The following PI4KB variants were observed in gnomAD, a reference collection of about 807,000 sequenced individuals.
PI4KB encodes the protein PtdIns 4-kinase beta.
Under a neutral mutation model 81.4 loss-of-function variants are expected in PI4KB, and 23 were observed. The ratio of observed to expected loss-of-function variants is 0.28; its 90% CI spans 0.20 to 0.40. The LOEUF is 0.40. Ranked by LOEUF, PI4KB falls within the 10% of genes least tolerant of loss-of-function variation. The pLI is 1.00. For missense variants in PI4KB, 651 were observed against 1,036.6 expected, an observed-to-expected ratio of 0.63 and a Z score of 5.11; for synonymous variants, 381 against 406.8, an observed-to-expected ratio of 0.94 and a Z score of 0.76.
rs115153888 is a variant in PI4KB, at chr1:151,324,617, T to C, written c.-29+2654A>G. 6.8e-3 allele frequency: 1,679 copies of C among 247,392 alleles called. 5 individuals carry two copies. The highest frequency in any genetic ancestry group is 0.015 in the Admixed American group (237 of 15,402). The allele number at this position is 247,392 out of a possible 1,614,324, so 15.3% of individuals were successfully genotyped here. A position where few individuals can be genotyped will look rare whatever the true frequency, so the allele number is the denominator to read the frequency against. On this transcript the variant is annotated intron_variant, in intron 1 of 11. Coordinates refer to ENST00000368873, the MANE Select transcript of PI4KB (RefSeq NM_001369623.2). ...TGGTCTCATGGTAGTTAAGTCAATA[T>C]TGATTCAGGCTGAGAACTCTGTGCA...
At chr1:151,293,984 GGCAC>G in intron 11 of PI4KB, 30 bp downstream of exon 11, 1 of 1,612,874 alleles carries the variant, frequency 6.2e-7, no homozygotes, top group Admixed American at 1.7e-5. Context: ...GGAAGCCTGA[GGCAC>G]TATAGCACCT....
intron 1 of PI4KB, among the ~76,000 whole-genome samples, chr1:151,317,215 T>C (rs1417639534): frequency 1.4e-5 from 2 of 143,818 alleles, no homozygotes; most frequent in East Asian, 4.1e-4. Context: ...TCTGGGCTCA[T>C]TGCAACCTTG....
chr1:151,298,511 G>A (rs1694988647), intron 9 of PI4KB: 1 of 416,730 alleles, frequency 2.4e-6, no homozygotes, highest in African/African-American at 2.0e-5. Context: ...CTTCTAGCTG[G>A]GATGTACCTC....
In PI4KB at chr1:151,315,273, G is replaced by T. The variant is rs587645764; in HGVS notation, c.909+300C>A. Among the ~76,000 whole-genome samples, 8 of 152,274 alleles carry T rather than the reference G, an allele frequency of 5.3e-5. No individual in the cohort carries two copies. The East Asian group carries it at 1.5e-3, about 29-fold the overall frequency. On this transcript the variant is annotated intron_variant, in intron 2 of 11. Coordinates refer to ENST00000368873, the MANE Select transcript of PI4KB (RefSeq NM_001369623.2). ...ATTACAAGCGTGAGCCACCGCGCCT[G>T]GCCAGTGCAGTTTAATAAAAATGAT...
intron 3 of PI4KB, 123 bp from the exon 4 acceptor site, chr1:151,307,924 C>A (rs1536617): frequency 1.5e-6 from 1 of 682,566 alleles, no homozygotes; most frequent in East Asian, 2.7e-5. Flanking sequence ...TCCAGGAAAG[C>A]AGCTGCTTTT....
At chr1:151,304,765 T>G (rs1168332927) in intron 5 of PI4KB, among the ~76,000 whole-genome samples, 5 of 151,166 alleles carry the variant, frequency 3.3e-5, no homozygotes, top group Admixed American at 6.6e-5. Context: ...AAGTGATTCT[T>G]GTGCTTCAAG....
Position 151,306,209 on chromosome 1 carries a change from A to G in PI4KB, c.1337T>C (p.Phe446Ser), listed in dbSNP as rs771222979. ...GTTGTCATAGTTGGGCACAGTGCTG[A>G]AGCTGCCAGCTCGCTGCTCATGGGT... ...GITHEQRAGSFSTVPNYDNDD... is the reference protein window; with the variant it reads ...GITHEQRAGSSSTVPNYDNDD... Residue 446 changes from phenylalanine to serine, a missense_variant, in exon 5 of 12, where the codon TTC (phenylalanine) becomes TCC (serine). This residue lies in a region of PI4KB where 246 missense variants were observed against 430.1 expected (regional missense o/e 0.57). Transcript: ENST00000368873. 1 of 1,614,154 alleles carries G rather than the reference A, an allele frequency of 6.2e-7. No homozygotes were observed. Among genetic ancestry groups the G allele is most frequent in the Non-Finnish European group, 8.5e-7 (1 of 1,180,038 alleles).
chr1:151,307,532 G>A (rs1486727986), intron 4 of PI4KB, 42 bp downstream of exon 4: 12 of 1,340,560 alleles, frequency 9.0e-6, no homozygotes, highest in African/African-American at 2.9e-5. Flanking sequence ...CATGGGTGAA[G>A]AGTCACGTCC....
intron 3 of PI4KB, among the ~76,000 whole-genome samples, chr1:151,308,544 G>A (rs1695974188): frequency 6.6e-6 from 1 of 152,172 alleles, no homozygotes. Context: ...GTCTCTTTTA[G>A]TGACTCCTCT....
At chr1:151,299,503 T>C (rs587682253) in intron 8 of PI4KB, among the ~76,000 whole-genome samples, 1 of 152,070 alleles carries the variant, frequency 6.6e-6, no homozygotes, top group East Asian at 1.9e-4. Flanking sequence ...CCAACCTCAG[T>C]AGAGAGTGAA....
At position 151,307,624 on chromosome 1, in the gene PI4KB, C is replaced by T. The variant is rs764847655; in HGVS notation, c.1132G>A (p.Val378Met). ...GCCTGTGTGTGGGGTACACGGACCACGTGGTGGTCAAAGCCAGCAGTGGGC... is the reference window on the plus strand; with the variant it reads ...GCCTGTGTGTGGGGTACACGGACCATGTGGTGGTCAAAGCCAGCAGTGGGC... ...WLPTAGFDHHVVRVPHTQAVV... is the reference protein window; with the variant it reads ...WLPTAGFDHHMVRVPHTQAVV... Residue 378 changes from valine to methionine, a missense_variant, in exon 4 of 12, where the codon GTG becomes ATG. By Grantham distance (21) the Val-to-Met change is conservative (BLOSUM62 1). This residue lies in a region of PI4KB where 246 missense variants were observed against 430.1 expected (regional missense o/e 0.57). Transcript: ENST00000368873. The T allele has an allele frequency of 5.0e-6, 8 of 1,614,094 alleles. No homozygotes were observed. Among genetic ancestry groups the T allele is most frequent in the Middle Eastern group, 1.6e-4 (1 of 6,062 alleles).
chr1:151,303,002 T>G (rs1363945683), intron 6 of PI4KB, among the ~76,000 whole-genome samples: 10 of 144,730 alleles, frequency 6.9e-5, no homozygotes, highest in African/African-American at 2.0e-4. Flanking sequence ...CTTGTTTTTT[T>G]TTTTTTTTTT....
rs757404521 is a variant in PI4KB, at chr1:151,306,298, G to C, written c.1248C>G (p.Ala416=). The change falls in exon 5 of 12, where the codon GCC becomes GCG. Residue 416 remains alanine, a synonymous_variant. Transcript: ENST00000368873. Reference sequence around the variant, plus strand: ...TCCGAATTCGGTTCTCGGGGATCCGGGCAGGGACACTGGTGGTGTCAAAGT... The same window carrying C: ...TCCGAATTCGGTTCTCGGGGATCCGCGCAGGGACACTGGTGGTGTCAAAGT... ...CENFDTTSVP[A]RIPENRIRST... 21 of 1,614,028 alleles carry C rather than the reference G, an allele frequency of 1.3e-5. No individual in the cohort carries two copies. Among genetic ancestry groups the C allele is most frequent in the East Asian group, 4.5e-5 (2 of 44,896 alleles).
intron 8 of PI4KB, 151 bp from the exon 9 acceptor site, chr1:151,299,224 A>G (rs1695047478): frequency 1.4e-6 from 1 of 713,850 alleles, no homozygotes. Context: ...AGTGAGGACC[A>G]GGGAGTTTGG....
At chr1:151,300,638 T>C (rs1695186174) in intron 8 of PI4KB, 1 of 151,980 alleles carries the variant, frequency 6.6e-6, no homozygotes, top group Non-Finnish European at 1.5e-5. Context: ...AAAAAAACGC[T>C]GATTTCTTCA....
intron 9 of PI4KB, chr1:151,298,325 A>G (rs1486396947): frequency 6.3e-6 from 1 of 157,876 alleles, no homozygotes; most frequent in Non-Finnish European, 1.4e-5. Context: ...ACAGTGCCAC[A>G]GGGCATTTAA....
intron 1 of PI4KB, among the ~76,000 whole-genome samples, chr1:151,324,100 G>A (rs1056765614): frequency 6.6e-6 from 1 of 151,896 alleles, no homozygotes; most frequent in African/African-American, 2.4e-5. Context: ...ACAGGCACAC[G>A]CCACCACACC....
Position 151,292,386 on chromosome 1 carries a change from AG to A in PI4KB, c.*465del, listed in dbSNP as rs1557779537. On this transcript the variant is annotated 3_prime_UTR_variant, in exon 12 of 12. Transcript: ENST00000368873. Reference sequence around the variant, plus strand: ...TCCCTGGGAGGGGTAGGTCCCTGGGAGGGGTAGAGCTGGGCAGCAGCATGGC... The same window carrying A: ...TCCCTGGGAGGGGTAGGTCCCTGGGAGGGTAGAGCTGGGCAGCAGCATGGC... 1 of 156,538 alleles carries A rather than the reference AG, an allele frequency of 6.4e-6. No individual in the cohort carries two copies. Among genetic ancestry groups the A allele is most frequent in the Non-Finnish European group, 1.4e-5 (1 of 70,670 alleles). The allele number at this position is 156,538 out of a possible 1,614,324, so 9.7% of individuals were successfully genotyped here.
At chr1:151,296,837 G>A (rs1294908322) in intron 9 of PI4KB, among the ~76,000 whole-genome samples, 1 of 151,438 alleles carries the variant, frequency 6.6e-6, no homozygotes, top group South Asian at 2.1e-4. Context: ...GTGCAGTCGC[G>A]CGATCTCATC....
Sources: gnomAD v4.1 joint callset for allele counts (sites outside exome capture counted in the v4.1 genomes callset) on GRCh38, gnomAD v4.1.1 for gene constraint, gnomAD v4.1.1 regional missense constraint, MANE v1.5 for transcripts, NCBI Gene and HGNC (gene_info 2026-07-23, HGNC 2026-07-21) for gene names.